The following SLC11A2 variants were observed in gnomAD, a reference collection of about 807,000 sequenced individuals.
The protein encoded by SLC11A2 is solute carrier family 11 member 2.
In SLC11A2, 38 loss-of-function variants were observed where a neutral mutation model predicts 68.0. The ratio of observed to expected loss-of-function variants is 0.56; its 90% CI spans 0.43 to 0.73. SLC11A2 has a LOEUF of 0.73. SLC11A2 is among the 30% of genes least tolerant of loss of function. The pLI is 0.00. For missense variants in SLC11A2, 517 were observed against 690.5 expected (o/e 0.75, Z 2.82); for synonymous variants, 242 against 250.6 (o/e 0.97, Z 0.32).
intron 1 of SLC11A2, among the ~76,000 whole-genome samples, chr12:51,023,099 C>G (rs2136423196): frequency 6.6e-6 from 1 of 152,224 alleles, no homozygotes; most frequent in South Asian, 2.1e-4. Context: ...CTTTGTGTCT[C>G]AAGGGGCCAA....
the SLC11A2 span, among the ~76,000 whole-genome samples, chr12:50,962,215 A>G: frequency 8.7e-3 from 1,290 of 148,744 alleles, 19 homozygotes; most frequent in African/African-American, 0.029. Context: ...GCAAAACCCC[A>G]TCTCTACTAA....
At chr12:50,972,874 C>T in the SLC11A2 span, among the ~76,000 whole-genome samples, 3 of 152,204 alleles carry the variant, frequency 2.0e-5, no homozygotes, top group African/African-American at 7.2e-5. Context: ...GGTCCTACAC[C>T]CACGGAGCCT....
chr12:50,972,502 G>A, the SLC11A2 span, among the ~76,000 whole-genome samples: 12 of 152,316 alleles, frequency 7.9e-5, 1 homozygote, highest in Admixed American at 7.8e-4. Flanking sequence ...CCATTGCCAT[G>A]TTCTGGGGTG....
the SLC11A2 span, among the ~76,000 whole-genome samples, chr12:50,972,705 C>G: frequency 2.0e-5 from 3 of 152,222 alleles, no homozygotes; most frequent in Admixed American, 1.3e-4. Context: ...TCGCCTCACC[C>G]GGGAACCACA....
the SLC11A2 span, among the ~76,000 whole-genome samples, chr12:50,968,510 C>CCTA: frequency 6.6e-6 from 1 of 152,098 alleles, no homozygotes; most frequent in African/African-American, 2.4e-5. Flanking sequence ...CCTCAGCTTC[C>CCTA]CTAGCAGCTG....
chr12:50,987,893 C>A lies in SLC11A2; in HGVS notation c.*432G>T, dbSNP rs1434587117. 5 of 1,271,220 alleles carry A rather than the reference C, an allele frequency of 3.9e-6. No individual in the cohort carries two copies. The East Asian group carries it at 1.7e-4, about 42-fold the overall frequency. The allele number at this position is 1,271,220 out of a possible 1,614,324, so 78.7% of individuals were successfully genotyped here. ...GGTAGGTATAAGGAAAATTTCTCAG[C>A]CTTTAAAAATCCATTACATTTTGAT... On this transcript the variant is annotated 3_prime_UTR_variant, in exon 16 of 16. Transcript: ENST00000262052.
rs1332345015 is a variant in SLC11A2 at position 50,993,209 on chromosome 12, AAAAG to A, written c.1078-284_1078-281del. ...TAAATATTAAAAAAAAAAAAAAAAA[AAAAG>A]AGGTCTACACCACTTTCCCCAAATT... is the stretch of plus-strand genomic sequence containing the variant. On this transcript the variant is annotated intron_variant, in intron 11 of 15. Coordinates refer to ENST00000262052, the MANE Select transcript of SLC11A2 (RefSeq NM_000617.3). 368 of 371,916 alleles carry A rather than the reference AAAAG, an allele frequency of 9.9e-4. 2 individuals are homozygous for A. The highest frequency in any genetic ancestry group is 7.1e-3 in the African/African-American group (343 of 48,048). 23.0% of individuals were successfully genotyped at this position (371,916 alleles called of 1,614,324 possible). A position where few individuals can be genotyped will look rare whatever the true frequency, so the allele number is the denominator to read the frequency against.
chr12:51,000,252 T>C (rs1426466557), intron 6 of SLC11A2, 61 bp downstream of exon 6: 7 of 1,273,670 alleles, frequency 5.5e-6, no homozygotes, highest in Non-Finnish European at 8.0e-6. Flanking sequence ...GGGTTTTTGT[T>C]TTTATCTCTG....
downstream of SLC11A2, among the ~76,000 whole-genome samples, chr12:50,979,156 T>C (rs188755390): frequency 2.6e-5 from 4 of 152,254 alleles, no homozygotes; most frequent in Admixed American, 1.3e-4. Context: ...ATACCACAAA[T>C]TGGAGAGTGA....
chr12:50,957,722 T>G, the SLC11A2 span, among the ~76,000 whole-genome samples: 1 of 151,224 alleles, frequency 6.6e-6, no homozygotes, highest in South Asian at 2.1e-4. Context: ...CCATGTCTAC[T>G]AAAAATACAA....
upstream of SLC11A2, among the ~76,000 whole-genome samples, chr12:51,027,917 TGGG>T (rs3840801): frequency 2.7e-4 from 5 of 18,328 alleles, no homozygotes; most frequent in African/African-American, 4.7e-4. Context: ...CAAAAAAAAG[TGGG>T]GGGGGGGGGC....
chr12:50,980,955 TG>T (rs1471034090), downstream of SLC11A2: 5 of 152,218 alleles, frequency 3.3e-5, no homozygotes, highest in Non-Finnish European at 7.3e-5. Context: ...AACTGATCAC[TG>T]GTTAAAGTGT....
intron 8 of SLC11A2, among the ~76,000 whole-genome samples, chr12:50,997,440 G>A (rs764601736): frequency 9.9e-5 from 15 of 152,054 alleles, no homozygotes; most frequent in Non-Finnish European, 1.9e-4. Flanking sequence ...GGTGGCTCAC[G>A]CCTATAATCC....
At position 50,987,894 on chromosome 12, in the gene SLC11A2, C is replaced by T. The variant is rs1196878381; in HGVS notation, c.*431G>A. 1 of 1,271,456 alleles carries T rather than the reference C, an allele frequency of 7.9e-7. No individual in the cohort carries two copies. The highest frequency in any genetic ancestry group is 2.4e-5 in the Admixed American group (1 of 41,358). 78.8% of individuals were successfully genotyped at this position (1,271,456 alleles called of 1,614,324 possible). A position where few individuals can be genotyped will look rare whatever the true frequency, so the allele number is the denominator to read the frequency against. ...GTAGGTATAAGGAAAATTTCTCAGC[C>T]TTTAAAAATCCATTACATTTTGATA... On this transcript the variant is annotated 3_prime_UTR_variant, in exon 16 of 16. Transcript: ENST00000262052.
upstream of SLC11A2, chr12:51,026,563 C>CGGCCCCT (rs1944404937): frequency 3.0e-6 from 1 of 336,290 alleles, no homozygotes; most frequent in Non-Finnish European, 5.6e-6. Flanking sequence ...GGGCACCCGG[C>CGGCCCCT]GGGAGCTGCA....
chr12:50,995,141 T>A (rs1226678162), intron 10 of SLC11A2: 2 of 237,380 alleles, frequency 8.4e-6, no homozygotes, highest in Non-Finnish European at 1.7e-5. Flanking sequence ...TGAAACCCCA[T>A]CTCTACTAAA....
chr12:50,958,344 C>A, the SLC11A2 span, among the ~76,000 whole-genome samples: 1 of 148,122 alleles, frequency 6.8e-6, no homozygotes, highest in Non-Finnish European at 1.5e-5. Flanking sequence ...TGCAGTGGCA[C>A]TATCTCGGCT....
At chr12:51,010,597 G>T in intron 2 of SLC11A2, 98 bp downstream of exon 2, 1 of 725,510 alleles carries the variant, frequency 1.4e-6, no homozygotes, top group East Asian at 2.7e-5. Context: ...AATAGATGAT[G>T]ACAGATGATG....
chr12:50,963,164 G>A, the SLC11A2 span, among the ~76,000 whole-genome samples: 2 of 151,990 alleles, frequency 1.3e-5, no homozygotes, highest in Non-Finnish European at 2.9e-5. Context: ...GAGGTCAGGA[G>A]TTTGAGACAA....
Sources: gnomAD v4.1 joint callset for allele counts (sites outside exome capture counted in the v4.1 genomes callset) on GRCh38, gnomAD v4.1.1 for gene constraint, MANE v1.5 for transcripts, NCBI Gene and HGNC (gene_info 2026-07-23, HGNC 2026-07-21) for gene names.